Variants in IQSEC3 observed in about 807,000 individuals in gnomAD.
IQSEC3 encodes IQ motif and Sec7 domain ArfGEF 3.
A neutral mutation model predicts 105.4 loss-of-function variants in IQSEC3; 50 were observed. The ratio of observed to expected loss-of-function variants is 0.47; its 90% CI spans 0.38 to 0.60. The LOEUF is 0.60. Ranked by LOEUF, IQSEC3 falls within the 20% of genes least tolerant of loss-of-function variation. The pLI is 0.00. For synonymous variants in IQSEC3, 708 were observed against 746.0 expected (o/e 0.95, Z 0.83); for missense variants, 1,415 against 1,630.0 (o/e 0.87, Z 2.27).
At chr12:134,749 T>C in intron 3 of IQSEC3, among the ~76,000 whole-genome samples, 1 of 148,582 alleles carries the variant, frequency 6.7e-6, no homozygotes, top group East Asian at 2.0e-4. Flanking sequence ...AATACAAAAG[T>C]TAGCCAGGCA....
Position 139,121 on chromosome 12 carries a change from G to T in IQSEC3, c.1758G>T (p.Gly586=). Residue 586 remains glycine (G), a synonymous_variant, in exon 4 of 14, where the codon GGG becomes GGT. Coordinates refer to ENST00000538872, the MANE Select transcript of IQSEC3 (RefSeq NM_001170738.2). ...AGGAGACGGCGGAGGTGGGGAGAGG[G>T]GCCGAGGCCGAGGCAGGCGACTTGG... is the stretch of plus-strand genomic sequence containing the variant. ...EEEETAEVGR[G]AEAEAGDLEQ... The T allele has an allele frequency of 6.6e-7, 1 of 1,513,070 alleles. No individual in the cohort carries two copies. 93.7% of individuals were successfully genotyped at this position (1,513,070 alleles called of 1,614,324 possible). A position where few individuals can be genotyped will look rare whatever the true frequency, so the allele number is the denominator to read the frequency against.
chr12:75,577 ACT>A (rs1555068791), intron 1 of IQSEC3, among the ~76,000 whole-genome samples: 1 of 152,098 alleles, frequency 6.6e-6, no homozygotes, highest in African/African-American at 2.4e-5. Flanking sequence ...ATGTCACATG[ACT>A]CTGTTGGGGT....
intron 8 of IQSEC3, 31 bp downstream of exon 8, chr12:162,096 C>G: frequency 1.2e-6 from 2 of 1,608,030 alleles, no homozygotes; most frequent in Non-Finnish European, 1.7e-6. Context: ...TATCTCCCGT[C>G]TCCTTTCCTT....
At chr12:127,543 A>C (rs1865456483) in intron 3 of IQSEC3, among the ~76,000 whole-genome samples, 2 of 151,060 alleles carry the variant, frequency 1.3e-5, no homozygotes, top group South Asian at 2.1e-4. Context: ...AACAAAAAAC[A>C]CCTCATCAGG....
rs1866901751 is a variant in IQSEC3, at chr12:161,789, C to A, written c.2444-137C>A. On this transcript the variant is annotated intron_variant, in intron 7 of 13. Coordinates refer to ENST00000538872, the MANE Select transcript of IQSEC3 (RefSeq NM_001170738.2). ...TAATTGAATGGGTATGAGGCACCAG[C>A]CATTGAAGGCATGGCAAGAACCAAG... 4.2e-5 allele frequency: 31 copies of A among 740,654 alleles called. No individual in the cohort carries two copies. In the South Asian group the frequency reaches 5.6e-4, roughly 13 times the overall value. 45.9% of individuals were successfully genotyped at this position (740,654 alleles called of 1,614,324 possible).
At chr12:162,407 A>C (rs1565446401) in intron 8 of IQSEC3, among the ~76,000 whole-genome samples, 1 of 152,052 alleles carries the variant, frequency 6.6e-6, no homozygotes, top group Non-Finnish European at 1.5e-5. Flanking sequence ...GATGGTCCTG[A>C]TGAGTGGAAG....
rs1237906595 is a variant in IQSEC3, at chr12:177,763, T to G, written c.*2730T>G. On this transcript the variant is annotated 3_prime_UTR_variant, in exon 14 of 14. Coordinates refer to ENST00000538872, the MANE Select transcript of IQSEC3 (RefSeq NM_001170738.2). This position sits in a 1 kb window ranked among gnomAD's most constrained non-coding sequence, Gnocchi z 5.3. ...CCTCTCCATCCCTGTCCCCAGAGCC[T>G]AGACCTCAGGGACCTAGGAAAAGCC... The G allele has an allele frequency of 6.6e-6, 1 of 152,260 alleles. No individual in the cohort carries two copies. Among genetic ancestry groups the G allele is most frequent in the Non-Finnish European group, 1.5e-5 (1 of 68,136 alleles). 9.4% of individuals were successfully genotyped at this position (152,260 alleles called of 1,614,324 possible).
chr12:123,173 G>A (rs1865273160), intron 2 of IQSEC3, among the ~76,000 whole-genome samples: 1 of 152,090 alleles, frequency 6.6e-6, no homozygotes, highest in Admixed American at 6.5e-5. Context: ...GGGAGGCTGA[G>A]AAGGGACAAT....
intron 1 of IQSEC3, among the ~76,000 whole-genome samples, chr12:84,452 G>T (rs1455686582): frequency 1.3e-5 from 2 of 152,244 alleles, no homozygotes; most frequent in African/African-American, 4.8e-5. Context: ...GGGCAGGGTT[G>T]TATGTGAGAA....
At chr12:166,157 A>G (rs1591753362) in intron 11 of IQSEC3, 1 of 449,274 alleles carries the variant, frequency 2.2e-6, no homozygotes, top group East Asian at 3.6e-5. Flanking sequence ...GCCTCTTGGA[A>G]CAGAGAGCTC....
chr12:79,182 G>T lies in IQSEC3; in HGVS notation c.554+11746G>T, dbSNP rs4390398. Among the ~76,000 whole-genome samples the T allele has an allele frequency of 5.1e-3, 775 of 152,002 alleles. 11 individuals carry two copies. The highest frequency in any genetic ancestry group is 0.037 in the East Asian group (190 of 5,146). On this transcript the variant is annotated intron_variant, in intron 1 of 13. Transcript: ENST00000538872. ...GGGAGCTGGGAGTGAGCCCTGCAGCGCAGGGGCTGTGGCCAGACCAGCTTT... is the reference window on the plus strand; with the variant it reads ...GGGAGCTGGGAGTGAGCCCTGCAGCTCAGGGGCTGTGGCCAGACCAGCTTT...
At position 169,011 on chromosome 12, in the gene IQSEC3, AG is replaced by A. The variant is rs1555099432; in HGVS notation, c.2974del. The A allele has an allele frequency of 6.2e-7, 1 of 1,613,710 alleles. No homozygotes were observed. Among genetic ancestry groups the A allele is most frequent in the Non-Finnish European group, 8.5e-7 (1 of 1,179,776 alleles). On this transcript the variant is annotated splice_acceptor_variant, in intron 11 of 13. Transcript: ENST00000538872. LOFTEE classifies it high-confidence loss of function. ...TTGCTCACGGGCCTCTGCATTCCTT[AG>A]GGGAGCTGGAGAAGCAGCAGGGAAC... is the stretch of plus-strand genomic sequence containing the variant.
At chr12:109,641 T>C (rs1555079053) in intron 2 of IQSEC3, among the ~76,000 whole-genome samples, 1 of 152,252 alleles carries the variant, frequency 6.6e-6, no homozygotes, top group Admixed American at 6.5e-5. Flanking sequence ...TCCCGGACCC[T>C]GTCCCTCCTC....
chr12:136,270 T>C (rs566455098), intron 3 of IQSEC3, among the ~76,000 whole-genome samples: 11 of 152,248 alleles, frequency 7.2e-5, no homozygotes, highest in African/African-American at 2.4e-4. Context: ...GAATGGGGAA[T>C]GGGAATGGCC....
intron 3 of IQSEC3, among the ~76,000 whole-genome samples, chr12:134,187 A>T (rs1865683911): frequency 6.6e-6 from 1 of 152,158 alleles, no homozygotes; most frequent in Non-Finnish European, 1.5e-5. Context: ...CTTTGGAATT[A>T]ATTTGTCGAA....
chr12:151,207 G>A lies in IQSEC3; in HGVS notation c.2154-5818G>A, dbSNP rs189272771. ...AGATGATTCAGTAGAGGGGAGGCAC[G>A]GTAGCTATCTGAAAGAACACCTCAG... is the stretch of plus-strand genomic sequence containing the variant. On this transcript the variant is annotated intron_variant, in intron 5 of 13. Coordinates refer to ENST00000538872, the MANE Select transcript of IQSEC3 (RefSeq NM_001170738.2). 1.2e-4 allele frequency among the ~76,000 whole-genome samples: 12 copies of A among 103,710 alleles called. 1 individual carries two copies. In the East Asian group the frequency reaches 2.5e-3, roughly 22 times the overall value. 68.0% of individuals were successfully genotyped at this position (103,710 alleles called of 152,430 possible).
chr12:109,478 T>C (rs1555078994), intron 2 of IQSEC3, among the ~76,000 whole-genome samples: 1 of 152,086 alleles, frequency 6.6e-6, no homozygotes, highest in Non-Finnish European at 1.5e-5. Context: ...ACCTTAATGC[T>C]CATCTCATCC....
intron 1 of IQSEC3, among the ~76,000 whole-genome samples, chr12:75,023 C>T (rs1863463702): frequency 6.6e-6 from 1 of 152,280 alleles, no homozygotes; most frequent in South Asian, 2.1e-4. Flanking sequence ...GGTCCCCGTG[C>T]CTTCCAGGAT....
intron 2 of IQSEC3, among the ~76,000 whole-genome samples, chr12:114,048 C>T (rs1291343128): frequency 3.3e-5 from 5 of 152,170 alleles, no homozygotes; most frequent in African/African-American, 7.2e-5. Flanking sequence ...TGAGTTAACT[C>T]ATCTGTAAAA....
Sources: gnomAD v4.1 joint callset for allele counts (sites outside exome capture counted in the v4.1 genomes callset) on GRCh38, gnomAD v4.1.1 for gene constraint, Gnocchi (gnomAD v3.1) non-coding constraint, MANE v1.5 for transcripts, NCBI Gene and HGNC (gene_info 2026-07-23, HGNC 2026-07-21) for gene names.